PPP1R1A: variants seen among roughly 807,000 people sequenced by gnomAD.
The protein encoded by PPP1R1A is protein phosphatase 1 regulatory subunit 1A.
PPP1R1A carries 18 observed loss-of-function variants against 23.9 expected under a neutral mutation model. The observed-to-expected ratio is 0.75, with a 90% confidence interval of 0.52 to 1.12. PPP1R1A has a LOEUF of 1.12. PPP1R1A is among the 50% of genes most tolerant of loss of function. The probability of loss-of-function intolerance (pLI) is 0.00; values close to 1 mark genes in which losing one functional copy is unlikely to be tolerated. For synonymous variants in PPP1R1A, 84 were observed against 80.7 expected (o/e 1.04, Z -0.22); for missense variants, 207 against 223.8 (o/e 0.92, Z 0.48).
Position 54,579,566 on chromosome 12 carries a change from C to G in PPP1R1A, c.*821G>C, listed in dbSNP as rs1372995710. ...ATCAAAAACAGCAGCAGGAGAGAGGCCTGGCCGTGAGATCTGAGACAGTTT... is the reference window on the plus strand; with the variant it reads ...ATCAAAAACAGCAGCAGGAGAGAGGGCTGGCCGTGAGATCTGAGACAGTTT... On this transcript the variant is annotated 3_prime_UTR_variant, in exon 7 of 7. Coordinates refer to ENST00000257905, the MANE Select transcript of PPP1R1A (RefSeq NM_006741.4). 2.0e-6 allele frequency: 2 copies of G among 985,310 alleles called. No homozygotes were observed. Among genetic ancestry groups the G allele is most frequent in the Non-Finnish European group, 1.2e-6 (1 of 829,976 alleles). The allele number at this position is 985,310 out of a possible 1,614,324, so 61.0% of individuals were successfully genotyped here.
At chr12:54,584,429 C>A in intron 1 of PPP1R1A, 109 bp from the exon 2 acceptor site, 1 of 1,028,926 alleles carries the variant, frequency 9.7e-7, no homozygotes, top group Non-Finnish European at 1.4e-6. Context: ...TAACACACCT[C>A]AAAAAATGCC....
At chr12:54,584,602 G>A (rs1185616246) in intron 1 of PPP1R1A, among the ~76,000 whole-genome samples, 1 of 152,002 alleles carries the variant, frequency 6.6e-6, no homozygotes, top group East Asian at 1.9e-4. Flanking sequence ...GGAGGGAGGA[G>A]GGCAAGGGCT....
chr12:54,580,980 G>C lies in PPP1R1A; in HGVS notation c.474C>G (p.Thr158=), dbSNP rs770016210. Residue 158 remains threonine (T), a synonymous_variant, in exon 6 of 7, where the codon ACC becomes ACG. Transcript: ENST00000257905. ...SKEPSTKEPS[T]HIPPLDSKGA... is the part of the protein sequence containing the mutation. Reference sequence around the variant, plus strand: ...CCTTGGAATCCAGTGGTGGTATATGGGTTGAGGGTTCTTTTGTGCTGGGTT... The same window carrying C: ...CCTTGGAATCCAGTGGTGGTATATGCGTTGAGGGTTCTTTTGTGCTGGGTT... 4 of 1,613,952 alleles carry C rather than the reference G, an allele frequency of 2.5e-6. No individual in the cohort carries two copies. In the South Asian group the frequency reaches 4.4e-5, roughly 18 times the overall value.
At position 54,582,852 on chromosome 12, in the gene PPP1R1A, TCCCTTGCCCTCTAGCCCCCCATG is replaced by T. The variant is rs992264206; in HGVS notation, c.184-80_184-58del. 3 of 1,513,350 alleles carry T rather than the reference TCCCTTGCCCTCTAGCCCCCCATG, an allele frequency of 2.0e-6. No individual in the cohort carries two copies. In the African/African-American group the frequency reaches 4.6e-5, roughly 23 times the overall value. 93.7% of individuals were successfully genotyped at this position (1,513,350 alleles called of 1,614,324 possible). A position where few individuals can be genotyped will look rare whatever the true frequency, so the allele number is the denominator to read the frequency against. ...AGCCCCCCCTTGCTCTCCAGACCCC[TCCCTTGCCCTCTAGCCCCCCATG>T]CCCTCCAGCCCCCCTTGCCTTCCTC... On this transcript the variant is annotated intron_variant, in intron 3 of 6. Transcript: ENST00000257905.
chr12:54,580,022 C>T lies in PPP1R1A; in HGVS notation c.*365G>A. 1 of 1,014,692 alleles carries T rather than the reference C, an allele frequency of 9.9e-7. No individual in the cohort carries two copies. The highest frequency in any genetic ancestry group is 1.2e-6 in the Non-Finnish European group (1 of 848,036). 62.9% of individuals were successfully genotyped at this position (1,014,692 alleles called of 1,614,324 possible). ...TAAGAAAAGAGAACCTGGGGCTTTT[C>T]TTCCTTCTTGGCACCCTGGAAGTTA... On this transcript the variant is annotated 3_prime_UTR_variant, in exon 7 of 7. Coordinates refer to ENST00000257905, the MANE Select transcript of PPP1R1A (RefSeq NM_006741.4).
Position 54,581,553 on chromosome 12 carries a change from G to A in PPP1R1A, c.403+423C>T, listed in dbSNP as rs1016532487. On this transcript the variant is annotated intron_variant, in intron 5 of 6. Transcript: ENST00000257905. The surrounding 1 kb of genome is among the most constrained non-coding windows in gnomAD (Gnocchi z 4.1). ...ACTTATTGCATGCTCTGTGTGTGTC[G>A]GGTGCTGTGTCAACAGCCAGTCTCA... is the stretch of plus-strand genomic sequence containing the variant. Among the ~76,000 whole-genome samples the A allele has an allele frequency of 6.6e-6, 1 of 152,152 alleles. No homozygotes were observed. The highest frequency in any genetic ancestry group is 1.5e-5 in the Non-Finnish European group (1 of 68,036).
rs1957836243 is a variant in PPP1R1A at position 54,579,803 on chromosome 12, T to C, written c.*584A>G. 1 of 985,496 alleles carries C rather than the reference T, an allele frequency of 1.0e-6. No homozygotes were observed. Among genetic ancestry groups the C allele is most frequent in the African/African-American group, 1.7e-5 (1 of 57,224 alleles). The allele number at this position is 985,496 out of a possible 1,614,324, so 61.0% of individuals were successfully genotyped here. On this transcript the variant is annotated 3_prime_UTR_variant, in exon 7 of 7. Coordinates refer to ENST00000257905, the MANE Select transcript of PPP1R1A (RefSeq NM_006741.4). ...AATCCAAAAGGAAGGCAGCTGGGGC[T>C]TGGAGGGCAGGCGAGGAGGTATCGG...
At position 54,588,407 on chromosome 12, in the gene PPP1R1A, G is replaced by A; in HGVS notation, c.82C>T (p.Gln28Ter). 6 of 1,497,958 alleles carry A rather than the reference G, an allele frequency of 4.0e-6. No homozygotes were observed. Among genetic ancestry groups the A allele is most frequent in the Non-Finnish European group, 4.5e-6 (5 of 1,118,600 alleles). The allele number at this position is 1,497,958 out of a possible 1,614,324, so 92.8% of individuals were successfully genotyped here. A position where few individuals can be genotyped will look rare whatever the true frequency, so the allele number is the denominator to read the frequency against. ...EPHLDPEAAEQIRRRRPTPAT... is the reference protein window; with the variant it reads ...EPHLDPEAAE Reference sequence around the variant, plus strand: ...TGCCGCCCCGCCCTGCTCCGCACCTGCTCCGCCGCCTCGGGGTCAAGGTGC... The same window carrying A: ...TGCCGCCCCGCCCTGCTCCGCACCTACTCCGCCGCCTCGGGGTCAAGGTGC... The change falls in exon 1 of 7, where the codon CAG becomes TAG. Residue 28 changes from glutamine (Q) to a stop codon, truncating the protein, a stop_gained and splice_region_variant. Coordinates refer to ENST00000257905, the MANE Select transcript of PPP1R1A (RefSeq NM_006741.4). LOFTEE classifies it high-confidence loss of function.
Position 54,582,727 on chromosome 12 carries a change from C to A in PPP1R1A, c.247+5G>T. ...AGAAAAAGGGATGGGAGGGGTCTTG[C>A]AAACCTTTCATTGTGGGTGTGATCC... On this transcript the variant is annotated splice_donor_5th_base_variant and intron_variant, in intron 4 of 6. Transcript: ENST00000257905. 6.2e-7 allele frequency: 1 copy of A among 1,613,680 alleles called. No homozygotes were observed.
chr12:54,584,233 C>A, intron 2 of PPP1R1A, 27 bp downstream of exon 2: 1 of 1,571,168 alleles, frequency 6.4e-7, no homozygotes, highest in Non-Finnish European at 8.7e-7. Flanking sequence ...GCCCCCACGC[C>A]CTTCAGCAAC....
chr12:54,579,930 C>A lies in PPP1R1A; in HGVS notation c.*457G>T. ...CGCACAGTCACAGCTGGACACGGCA[C>A]AGGCCTTAGAGCGCCGAGTCTTCCA... On this transcript the variant is annotated 3_prime_UTR_variant, in exon 7 of 7. Coordinates refer to ENST00000257905, the MANE Select transcript of PPP1R1A (RefSeq NM_006741.4). 1 of 991,392 alleles carries A rather than the reference C, an allele frequency of 1.0e-6. No homozygotes were observed. Among genetic ancestry groups the A allele is most frequent in the Non-Finnish European group, 1.2e-6 (1 of 833,494 alleles). 61.4% of individuals were successfully genotyped at this position (991,392 alleles called of 1,614,324 possible).
In PPP1R1A at chr12:54,588,637, C is replaced by A; in HGVS notation, c.-149G>T. On this transcript the variant is annotated 5_prime_UTR_variant, in exon 1 of 7. Transcript: ENST00000257905. ...CTCCCGGCTCCCGGCACAGCGCTCC[C>A]AGCTCGCGGCTCCGGGGACTCTGCC... is the stretch of plus-strand genomic sequence containing the variant. The A allele has an allele frequency of 3.7e-6, 1 of 269,260 alleles. No homozygotes were observed. Among genetic ancestry groups the A allele is most frequent in the South Asian group, 1.5e-4 (1 of 6,462 alleles). The allele number at this position is 269,260 out of a possible 1,614,324, so 16.7% of individuals were successfully genotyped here.
chr12:54,583,088 G>A, intron 3 of PPP1R1A, 123 bp downstream of exon 3: 2 of 1,041,172 alleles, frequency 1.9e-6, no homozygotes, highest in South Asian at 1.7e-5. Context: ...CATTTGGGGG[G>A]TAGAGGTACA....
chr12:54,583,557 C>T (rs1153141), intron 2 of PPP1R1A, among the ~76,000 whole-genome samples: 148,388 of 152,296 alleles, frequency 0.97, 72,404 homozygotes, highest in East Asian at 1. Context: ...GCTTTTTTTC[C>T]TCCTCTGAAG....
At chr12:54,583,465 G>A (rs1022906023) in intron 2 of PPP1R1A, among the ~76,000 whole-genome samples, 20 of 152,226 alleles carry the variant, frequency 1.3e-4, no homozygotes, top group African/African-American at 4.8e-4. Context: ...ATCTAGTCCC[G>A]TCCTTGGCTC....
At chr12:54,588,076 T>TCCC (rs1465368045) in intron 1 of PPP1R1A, among the ~76,000 whole-genome samples, 1 of 151,744 alleles carries the variant, frequency 6.6e-6, no homozygotes, top group African/African-American at 2.4e-5. Flanking sequence ...GGGTGGGGGA[T>TCCC]GCAGGGTTGT....
At chr12:54,587,151 T>C (rs1463781088) in intron 1 of PPP1R1A, among the ~76,000 whole-genome samples, 1 of 152,300 alleles carries the variant, frequency 6.6e-6, no homozygotes, top group East Asian at 1.9e-4. Context: ...ATCTCCACAT[T>C]GGGAAGCTGA....
At chr12:54,586,503 C>A (rs943353446) in intron 1 of PPP1R1A, among the ~76,000 whole-genome samples, 1 of 152,234 alleles carries the variant, frequency 6.6e-6, no homozygotes, top group Non-Finnish European at 1.5e-5. Flanking sequence ...CCGCCTGCCA[C>A]TCTGTGCTCT....
intron 1 of PPP1R1A, among the ~76,000 whole-genome samples, 191 bp downstream of exon 1, chr12:54,588,214 A>G (rs1957929197): frequency 6.6e-6 from 1 of 151,760 alleles, no homozygotes; most frequent in Non-Finnish European, 1.5e-5. Flanking sequence ...AAAGAAGCAC[A>G]GATTCGAGAT....
Sources: gnomAD v4.1 joint callset for allele counts (sites outside exome capture counted in the v4.1 genomes callset) on GRCh38, gnomAD v4.1.1 for gene constraint, Gnocchi (gnomAD v3.1) non-coding constraint, MANE v1.5 for transcripts, NCBI Gene and HGNC (gene_info 2026-07-23, HGNC 2026-07-21) for gene names.